Variants in ELAPOR2 observed in about 807,000 individuals in gnomAD.
ELAPOR2 encodes the protein endosome-lysosome associated apoptosis and autophagy regulator family member 2, also known as endosome/lysosome-associated apoptosis and autophagy regulator family member 2.
A neutral mutation model predicts 120.7 loss-of-function variants in ELAPOR2; 89 were observed. The ratio of observed to expected loss-of-function variants is 0.74; its 90% CI spans 0.62 to 0.88. ELAPOR2 has a LOEUF of 0.88. Among genes scored for constraint, ELAPOR2 ranks in the 40% least tolerant of loss-of-function variants. The pLI is 0.00. For missense variants in ELAPOR2, 1,134 were observed against 1,251.6 expected (o/e 0.91, Z 1.42); for synonymous variants, 444 against 444.9 (o/e 1.00, Z 0.03).
intron 21 of ELAPOR2, chr7:86,891,241 G>A (rs2115829593): frequency 6.6e-6 from 1 of 152,106 alleles, no homozygotes; most frequent in East Asian, 1.9e-4. Flanking sequence ...TTATAAAATA[G>A]TATCTTTGTG....
At chr7:87,039,332 CAAG>C (rs1291174747) in intron 1 of ELAPOR2, among the ~76,000 whole-genome samples, 1 of 152,236 alleles carries the variant, frequency 6.6e-6, no homozygotes, top group South Asian at 2.1e-4. Flanking sequence ...CCAAACATTT[CAAG>C]AAGAACTAAT....
intron 4 of ELAPOR2, among the ~76,000 whole-genome samples, chr7:86,944,332 A>C (rs886415195): frequency 3.3e-5 from 5 of 152,062 alleles, no homozygotes; most frequent in African/African-American, 1.2e-4. Flanking sequence ...AATGTTATTT[A>C]ATTTCTTTTC....
intron 1 of ELAPOR2, among the ~76,000 whole-genome samples, chr7:87,002,635 G>A (rs1793355015): frequency 6.6e-6 from 1 of 151,994 alleles, no homozygotes; most frequent in Non-Finnish European, 1.5e-5. Context: ...CCCTCATCAG[G>A]CATGTGTCTC....
chr7:86,991,619 C>A (rs1320118792), intron 1 of ELAPOR2, among the ~76,000 whole-genome samples: 6 of 152,154 alleles, frequency 3.9e-5, no homozygotes, highest in Non-Finnish European at 8.8e-5. Context: ...AGGGCAGTCA[C>A]TGGAATAAGC....
intron 7 of ELAPOR2, 48 bp downstream of exon 7, chr7:86,938,760 A>G (rs1790675036): frequency 6.3e-7 from 1 of 1,591,116 alleles, no homozygotes; most frequent in African/African-American, 1.3e-5. Flanking sequence ...TGTACACTTG[A>G]CCAACATACA....
In ELAPOR2 at chr7:86,919,263, C is replaced by A. The variant is rs762166561; in HGVS notation, c.1447G>T (p.Asp483Tyr). 1.2e-6 allele frequency: 2 copies of A among 1,612,312 alleles called. No individual in the cohort carries two copies. The highest frequency in any genetic ancestry group is 3.3e-5 in the Admixed American group (2 of 59,898). ...DHIQSGAGGSDNDYLILNLHI... is the reference protein window; with the variant it reads ...DHIQSGAGGSYNDYLILNLHI... ...AAGTTTAAGATCAGGTAATCATTGT[C>A]AGAACCTCCAGCCCCACTCTGGATA... Residue 483 changes from aspartate to tyrosine, a missense_variant, in exon 11 of 22, where the codon GAC becomes TAC. By Grantham distance (160) the Asp-to-Tyr change is radical. Around this residue, in one of 3 missense-constraint regions of ELAPOR2, gnomAD observed 831 missense variants for 867.6 expected, o/e 0.96. Coordinates refer to ENST00000450689, the MANE Select transcript of ELAPOR2 (RefSeq NM_001142749.3).
intron 21 of ELAPOR2, among the ~76,000 whole-genome samples, chr7:86,886,124 T>G (rs1183952966): frequency 6.6e-6 from 1 of 152,140 alleles, no homozygotes; most frequent in Non-Finnish European, 1.5e-5. Flanking sequence ...CAGAGGTGGT[T>G]GATAAACCCC....
intron 1 of ELAPOR2, among the ~76,000 whole-genome samples, chr7:86,967,709 T>C (rs549251125): frequency 1.3e-5 from 2 of 152,214 alleles, no homozygotes; most frequent in South Asian, 2.1e-4. Flanking sequence ...ATGGAAAAGG[T>C]ATTGTGTTTT....
chr7:87,040,120 A>G (rs1794726236), intron 1 of ELAPOR2, among the ~76,000 whole-genome samples: 1 of 152,224 alleles, frequency 6.6e-6, no homozygotes, highest in Admixed American at 6.5e-5. Flanking sequence ...GGAGGGTCCT[A>G]CGCCCACGGA....
At position 86,914,676 on chromosome 7, in the gene ELAPOR2, C is replaced by A. The variant is rs1230898477; in HGVS notation, c.1731+47G>T. 6.6e-6 allele frequency: 10 copies of A among 1,518,838 alleles called. 1 individual carries two copies. The Admixed American group carries it at 2.1e-4, about 32-fold the overall frequency. 94.1% of individuals were successfully genotyped at this position (1,518,838 alleles called of 1,614,324 possible). On this transcript the variant is annotated intron_variant, in intron 13 of 21. Coordinates refer to ENST00000450689, the MANE Select transcript of ELAPOR2 (RefSeq NM_001142749.3). Reference sequence around the variant, plus strand: ...CTTTGTATGCATCTCCACAAGGGGGCATCATTAGTGTGTTTAAAATTTTAA... The same window carrying A: ...CTTTGTATGCATCTCCACAAGGGGGAATCATTAGTGTGTTTAAAATTTTAA...
chr7:87,059,478 C>A lies in ELAPOR2; in HGVS notation c.36G>T (p.Arg12Ser). The A allele has an allele frequency of 8.2e-7, 1 of 1,215,038 alleles. No homozygotes were observed. The highest frequency in any genetic ancestry group is 1.0e-6 in the Non-Finnish European group (1 of 975,674). The allele number at this position is 1,215,038 out of a possible 1,614,324, so 75.3% of individuals were successfully genotyped here. ...GAGCCTCCGCCGGCCGCCCCCAGCCCCTGCCCCGTACCGGCCCCCGGGCGC... is the reference window on the plus strand; with the variant it reads ...GAGCCTCCGCCGGCCGCCCCCAGCCACTGCCCCGTACCGGCCCCCGGGCGC... ...LFRARGPVRGRGWGRPAEAPR... is the reference protein window; with the variant it reads ...LFRARGPVRGSGWGRPAEAPR... The change falls in exon 1 of 22, where the codon AGG becomes AGT. Residue 12 changes from arginine (R) to serine (S), a missense_variant. This residue lies in a region of ELAPOR2 where 280 missense variants were observed against 331.5 expected (regional missense o/e 0.84). Coordinates refer to ENST00000450689, the MANE Select transcript of ELAPOR2 (RefSeq NM_001142749.3).
intron 21 of ELAPOR2, 49 bp from the exon 22 acceptor site, chr7:86,880,579 G>A (rs754763330): frequency 1.7e-6 from 2 of 1,195,138 alleles, no homozygotes; most frequent in Non-Finnish European, 2.5e-6. Flanking sequence ...ATTCTCGTAA[G>A]ATTTTAGGAT....
chr7:86,901,307 A>C (rs1788714480), intron 18 of ELAPOR2, among the ~76,000 whole-genome samples: 1 of 152,184 alleles, frequency 6.6e-6, no homozygotes, highest in Admixed American at 6.5e-5. Flanking sequence ...AATATGTAAG[A>C]ATTCACATTA....
At chr7:87,037,063 T>G (rs528147123) in intron 1 of ELAPOR2, among the ~76,000 whole-genome samples, 3 of 152,270 alleles carry the variant, frequency 2.0e-5, no homozygotes, top group African/African-American at 7.2e-5. Context: ...CTCTACTGGC[T>G]GTACCTTCTC....
chr7:87,007,568 C>T (rs1793524229), intron 1 of ELAPOR2, among the ~76,000 whole-genome samples: 1 of 152,108 alleles, frequency 6.6e-6, no homozygotes, highest in Admixed American at 6.6e-5. Flanking sequence ...GAAAAAAGAA[C>T]ACTCAGTAGA....
intron 1 of ELAPOR2, among the ~76,000 whole-genome samples, chr7:87,024,873 T>C (rs541900570): frequency 6.6e-5 from 10 of 152,054 alleles, no homozygotes; most frequent in Non-Finnish European, 1.3e-4. Context: ...AATCTCTGAA[T>C]AGACCAATAA....
intron 1 of ELAPOR2, among the ~76,000 whole-genome samples, chr7:86,998,509 C>T (rs1793200515): frequency 6.6e-6 from 1 of 152,192 alleles, no homozygotes; most frequent in Admixed American, 6.5e-5. Flanking sequence ...AGTTTCTCAA[C>T]AGTGAAATTC....
intron 1 of ELAPOR2, among the ~76,000 whole-genome samples, chr7:86,969,106 G>A (rs79965546): frequency 0.012 from 1,885 of 152,144 alleles, 32 homozygotes; most frequent in African/African-American, 0.043. Flanking sequence ...GCACGAACTT[G>A]CACACACTGA....
rs1460984672 is a variant in ELAPOR2, at chr7:86,964,991, T to C, written c.223A>G (p.Ser75Gly). The change falls in exon 2 of 22, where the codon AGC becomes GGC. Residue 75 changes from serine to glycine, a missense_variant. Transcript: ENST00000450689. ...DYHFEYTECD[S>G]SGSRWRVAIP... ...GCAACTCTCCACCTGGAGCCACTGC[T>C]ATCACATTCCGTATATTCAAAGTGA... 1 of 1,551,622 alleles carries C rather than the reference T, an allele frequency of 6.4e-7. No individual in the cohort carries two copies. The highest frequency in any genetic ancestry group is 8.7e-7 in the Non-Finnish European group (1 of 1,146,892).
Sources: gnomAD v4.1 joint callset for allele counts (sites outside exome capture counted in the v4.1 genomes callset) on GRCh38, gnomAD v4.1.1 for gene constraint, gnomAD v4.1.1 regional missense constraint, MANE v1.5 for transcripts, NCBI Gene and HGNC (gene_info 2026-07-23, HGNC 2026-07-21) for gene names.